Variants in MEIKIN observed in about 807,000 individuals in gnomAD.
The protein encoded by MEIKIN is meiosis-specific kinetochore protein.
chr5:131,864,273 G>GT (rs1318486090), intron 9 of MEIKIN, among the ~76,000 whole-genome samples: 2 of 151,894 alleles, frequency 1.3e-5, no homozygotes, highest in Non-Finnish European at 2.9e-5. Flanking sequence ...TGTTTTGGTG[G>GT]TTTTCTGTAG....
intron 9 of MEIKIN, among the ~76,000 whole-genome samples, chr5:131,867,780 G>T (rs772758899): frequency 6.6e-6 from 1 of 152,146 alleles, no homozygotes; most frequent in African/African-American, 2.4e-5. Context: ...ACCTAATGAA[G>T]AACATTTTCG....
intron 5 of MEIKIN, among the ~76,000 whole-genome samples, chr5:131,931,388 T>C (rs986480212): frequency 1.3e-5 from 2 of 152,220 alleles, no homozygotes; most frequent in Non-Finnish European, 2.9e-5. Flanking sequence ...GGCAAATGTT[T>C]GTGTCCTAGA....
intron 12 of MEIKIN, among the ~76,000 whole-genome samples, chr5:131,807,940 C>T (rs1772876463): frequency 1.3e-5 from 2 of 152,194 alleles, no homozygotes; most frequent in Admixed American, 1.3e-4. Flanking sequence ...AAGGGACCCA[C>T]ATATCAGACA....
At chr5:131,938,231 AT>A (rs1338654679) in intron 4 of MEIKIN, among the ~76,000 whole-genome samples, 2 of 133,926 alleles carry the variant, frequency 1.5e-5, no homozygotes, top group Admixed American at 1.7e-4. Flanking sequence ...CTATGGTATG[AT>A]CTCAGCTCAC....
At chr5:131,928,827 T>G (rs187322351) in intron 5 of MEIKIN, among the ~76,000 whole-genome samples, 12 of 152,320 alleles carry the variant, frequency 7.9e-5, no homozygotes, top group Non-Finnish European at 1.5e-4. Flanking sequence ...GGGACCTAAT[T>G]AAACTGAAGA....
At chr5:131,939,387 G>A (rs184920034) in intron 4 of MEIKIN, among the ~76,000 whole-genome samples, 187 of 148,290 alleles carry the variant, frequency 1.3e-3, no homozygotes, top group Non-Finnish European at 1.8e-3. Context: ...TTTTTTTTAA[G>A]ATCTGTTAGG....
At chr5:131,901,408 TC>T (rs965388130) in intron 8 of MEIKIN, among the ~76,000 whole-genome samples, 1 of 151,922 alleles carries the variant, frequency 6.6e-6, no homozygotes, top group South Asian at 2.1e-4. Context: ...TGGGGCCTGT[TC>T]CCCCCTGTGC....
chr5:131,883,724 C>T (rs1750733350), intron 8 of MEIKIN, among the ~76,000 whole-genome samples: 1 of 152,206 alleles, frequency 6.6e-6, no homozygotes, highest in African/African-American at 2.4e-5. Context: ...CTCATAGTAT[C>T]TGGTTTTAAC....
At chr5:131,881,532 T>C (rs1262026483) in intron 8 of MEIKIN, among the ~76,000 whole-genome samples, 13 of 152,188 alleles carry the variant, frequency 8.5e-5, no homozygotes, top group Admixed American at 8.5e-4. Context: ...TCAAAACATC[T>C]CTTTGCTGAC....
At position 131,929,225 on chromosome 5, in the gene MEIKIN, C is replaced by T. The variant is rs117230577; in HGVS notation, c.478+4288G>A. Among the ~76,000 whole-genome samples, 764 of 152,326 alleles carry T rather than the reference C, an allele frequency of 5.0e-3. 27 individuals carry two copies. Among genetic ancestry groups the T allele is most frequent in the Admixed American group, 0.038 (582 of 15,300 alleles). On this transcript the variant is annotated intron_variant, in intron 5 of 12. Coordinates refer to ENST00000442687, the MANE Select transcript of MEIKIN (RefSeq NM_001303622.2). ...CACTTTTTACTTGCTGCTTTCAAAACTGTCTTTGTATATGACTTTTGACAA... is the reference window on the plus strand; with the variant it reads ...CACTTTTTACTTGCTGCTTTCAAAATTGTCTTTGTATATGACTTTTGACAA...
chr5:131,919,206 TA>T (rs886434205), intron 6 of MEIKIN, among the ~76,000 whole-genome samples: 1 of 150,894 alleles, frequency 6.6e-6, no homozygotes, highest in African/African-American at 2.4e-5. Flanking sequence ...TAGCAAAAAT[TA>T]AAAAAAAATA....
At chr5:131,859,618 G>A (rs1750249239) in intron 9 of MEIKIN, among the ~76,000 whole-genome samples, 1 of 152,134 alleles carries the variant, frequency 6.6e-6, no homozygotes, top group Non-Finnish European at 1.5e-5. Flanking sequence ...AGAAGCAGAT[G>A]CTGCCATGTT....
chr5:131,825,867 A>G (rs916665513), intron 11 of MEIKIN, among the ~76,000 whole-genome samples: 3 of 152,206 alleles, frequency 2.0e-5, no homozygotes, highest in East Asian at 1.9e-4. Context: ...CAATTATACT[A>G]TTAGGACAAC....
chr5:131,925,129 A>G (rs1751566877), intron 5 of MEIKIN, among the ~76,000 whole-genome samples: 1 of 152,176 alleles, frequency 6.6e-6, no homozygotes, highest in Non-Finnish European at 1.5e-5. Context: ...TAAGTTGGCC[A>G]TATATGTACA....
chr5:131,837,109 C>T (rs1046813053), intron 11 of MEIKIN, among the ~76,000 whole-genome samples: 1 of 152,112 alleles, frequency 6.6e-6, no homozygotes, highest in Admixed American at 6.6e-5. Context: ...TATCCAAGTA[C>T]CATTTATTGA....
At chr5:131,870,521 A>C (rs1388693032) in intron 9 of MEIKIN, among the ~76,000 whole-genome samples, 5 of 152,142 alleles carry the variant, frequency 3.3e-5, no homozygotes, top group Non-Finnish European at 5.9e-5. Context: ...AAAAAATTAT[A>C]ATACAGTACA....
chr5:131,811,345 CT>C (rs1191801241), intron 12 of MEIKIN, among the ~76,000 whole-genome samples: 1,687 of 140,698 alleles, frequency 0.012, 24 homozygotes, highest in African/African-American at 0.034. Flanking sequence ...TTTTTCTTTT[CT>C]TTTTTTTTTT....
Position 131,916,105 on chromosome 5 carries a change from G to T in MEIKIN, c.638+781C>A, listed in dbSNP as rs80307522. ...AATGCCAGATGTCTAGTAGATAATA[G>T]GCACTCAAATCTGGTATCATTATTA... On this transcript the variant is annotated intron_variant, in intron 7 of 12. Coordinates refer to ENST00000442687, the MANE Select transcript of MEIKIN (RefSeq NM_001303622.2). 5.4e-3 allele frequency among the ~76,000 whole-genome samples: 825 copies of T among 152,208 alleles called. 9 individuals carry two copies. The highest frequency in any genetic ancestry group is 0.017 in the African/African-American group (712 of 41,524).
At chr5:131,944,491 CAA>C (rs1201627617) in intron 3 of MEIKIN, 172 bp downstream of exon 3, 2 of 391,310 alleles carry the variant, frequency 5.1e-6, no homozygotes, top group African/African-American at 4.1e-5. Flanking sequence ...TGAATCTACC[CAA>C]GTCAGAAATT....
Sources: gnomAD v4.1 joint callset for allele counts (sites outside exome capture counted in the v4.1 genomes callset) on GRCh38, gnomAD v4.1.1 for gene constraint, MANE v1.5 for transcripts, NCBI Gene and HGNC (gene_info 2026-07-23, HGNC 2026-07-21) for gene names.